The following ANO3 variants were observed in gnomAD, a reference collection of about 807,000 sequenced individuals.
The protein encoded by ANO3 is anoctamin-3.
Under a neutral mutation model 144.8 loss-of-function variants are expected in ANO3, and 99 were observed. The ratio of observed to expected loss-of-function variants is 0.68; its 90% CI spans 0.58 to 0.81. The LOEUF is 0.81. ANO3 is among the 30% of genes least tolerant of loss of function. ANO3 has a pLI of 0.00. For synonymous variants in ANO3, 414 were observed against 392.6 expected (o/e 1.05, Z -0.64); for missense variants, 905 against 1,202.2 (o/e 0.75, Z 3.66).
intron 1 of ANO3, among the ~76,000 whole-genome samples, chr11:26,257,678 C>G (rs1166659167): frequency 6.6e-6 from 1 of 152,026 alleles, no homozygotes; most frequent in Non-Finnish European, 1.5e-5. Context: ...CTGATTATAC[C>G]TGAAGAATTT....
chr11:26,417,511 A>G (rs1857625557), intron 1 of ANO3, among the ~76,000 whole-genome samples: 1 of 152,102 alleles, frequency 6.6e-6, no homozygotes, highest in East Asian at 1.9e-4. Flanking sequence ...CAAACAGGAT[A>G]AAGGGAAAGC....
chr11:26,332,426 TGGGG>T, intron 1 of ANO3, 105 bp downstream of exon 1: 3 of 1,015,646 alleles, frequency 3.0e-6, no homozygotes, highest in Non-Finnish European at 4.5e-6. Flanking sequence ...GACACAGAGG[TGGGG>T]AACTCTGTGA....
intron 24 of ANO3, 97 bp from the exon 25 acceptor site, chr11:26,656,028 G>T: frequency 2.1e-6 from 2 of 972,262 alleles, no homozygotes; most frequent in Non-Finnish European, 3.1e-6. Flanking sequence ...AGAATGGAAA[G>T]AATAATACAT....
chr11:26,352,204 A>C lies in ANO3; in HGVS notation c.46+19883A>C, dbSNP rs749429790. Among the ~76,000 whole-genome samples the C allele has an allele frequency of 4.6e-4, 70 of 152,176 alleles. 1 individual carries two copies. The highest frequency in any genetic ancestry group is 1.3e-4 in the Non-Finnish European group (9 of 68,042). Reference sequence around the variant, plus strand: ...AGTACTGACTAAAAAACAAGTCTTTACTACCCAAGAACTCATTTCTTCCTC... The same window carrying C: ...AGTACTGACTAAAAAACAAGTCTTTCCTACCCAAGAACTCATTTCTTCCTC... On this transcript the variant is annotated intron_variant, in intron 1 of 26. Transcript: ENST00000256737.
intron 1 of ANO3, among the ~76,000 whole-genome samples, chr11:26,237,091 G>C (rs1258668369): frequency 6.6e-6 from 1 of 152,024 alleles, no homozygotes; most frequent in South Asian, 2.1e-4. Context: ...CGGCAAAACT[G>C]TGTGTGAATT....
chr11:26,467,020 G>T (rs898431500), intron 4 of ANO3, among the ~76,000 whole-genome samples: 1 of 151,384 alleles, frequency 6.6e-6, no homozygotes, highest in Non-Finnish European at 1.5e-5. Flanking sequence ...TTCTAAAATT[G>T]TTTTTTTTAA....
rs189974576 is a variant in ANO3 at position 26,190,399 on chromosome 11, T to C, written c.154+1069T>C. On this transcript the variant is annotated intron_variant, in intron 1 of 27. Transcript: ENST00000672621. ...AAGACATTCTTTTATAAATTTTCAT[T>C]CAACTATAAGAAAAAAATCTCTATG... is the stretch of plus-strand genomic sequence containing the variant. Among the ~76,000 whole-genome samples, 225 of 152,246 alleles carry C rather than the reference T, an allele frequency of 1.5e-3. 1 individual carries two copies. The highest frequency in any genetic ancestry group is 4.5e-3 in the African/African-American group (188 of 41,552).
chr11:26,194,444 G>GTGTGTGTA (rs1554920712), intron 1 of ANO3, among the ~76,000 whole-genome samples: 3 of 92,308 alleles, frequency 3.2e-5, no homozygotes, highest in Non-Finnish European at 6.7e-5. Flanking sequence ...ATAGTGGTGT[G>GTGTGTGTA]TGTGTGTGTG....
chr11:26,267,953 C>G (rs760857271), intron 1 of ANO3, among the ~76,000 whole-genome samples: 32 of 151,868 alleles, frequency 2.1e-4, no homozygotes, highest in Non-Finnish European at 4.1e-4. Context: ...TTTTAAAATC[C>G]AAAGTAATCT....
chr11:26,419,058 T>C (rs917036097), intron 1 of ANO3, among the ~76,000 whole-genome samples: 1 of 152,132 alleles, frequency 6.6e-6, no homozygotes, highest in African/African-American at 2.4e-5. Context: ...ACAGAAAGCA[T>C]GATGCTGGCA....
chr11:26,635,494 A>G (rs563664514), intron 20 of ANO3, among the ~76,000 whole-genome samples: 2 of 152,290 alleles, frequency 1.3e-5, no homozygotes, highest in East Asian at 1.9e-4. Flanking sequence ...TTGATTTACA[A>G]TATGTATGTT....
chr11:26,590,502 C>T (rs1851413057), intron 14 of ANO3, among the ~76,000 whole-genome samples: 1 of 152,154 alleles, frequency 6.6e-6, no homozygotes, highest in Non-Finnish European at 1.5e-5. Context: ...GGGTGGGCTG[C>T]TCCCAAGATG....
chr11:26,309,530 C>A, upstream of ANO3: 1 of 347,328 alleles, frequency 2.9e-6, no homozygotes. Context: ...AGTAGTTATA[C>A]TGCAGCTATA....
At chr11:26,404,603 G>A (rs1157477315) in intron 1 of ANO3, among the ~76,000 whole-genome samples, 3 of 151,716 alleles carry the variant, frequency 2.0e-5, no homozygotes, top group African/African-American at 4.8e-5. Context: ...GTAATCACAG[G>A]AGCAGTTGCT....
chr11:26,484,944 C>T lies in ANO3; in HGVS notation c.432+21796C>T, dbSNP rs561519483. 1.7e-4 allele frequency among the ~76,000 whole-genome samples: 26 copies of T among 152,168 alleles called. 1 individual carries two copies. In the South Asian group the frequency reaches 5.4e-3, roughly 32 times the overall value. On this transcript the variant is annotated intron_variant, in intron 4 of 26. Coordinates refer to ENST00000256737, the MANE Select transcript of ANO3 (RefSeq NM_031418.4). ...TTTGGGCTTGTTTGGGGCCTGCAGCCCCTTTGTTTTGTCAAATTTCTCCCT... is the reference window on the plus strand; with the variant it reads ...TTTGGGCTTGTTTGGGGCCTGCAGCTCCTTTGTTTTGTCAAATTTCTCCCT...
chr11:26,468,135 A>C (rs530737280), intron 4 of ANO3, among the ~76,000 whole-genome samples: 21 of 152,010 alleles, frequency 1.4e-4, no homozygotes, highest in Admixed American at 1.4e-3. Context: ...AGATGTGGTC[A>C]ATTTACAGGG....
At chr11:26,558,098 T>A (rs574942290) in intron 13 of ANO3, among the ~76,000 whole-genome samples, 1 of 152,184 alleles carries the variant, frequency 6.6e-6, no homozygotes, top group Non-Finnish European at 1.5e-5. Flanking sequence ...ATGTTTAAAT[T>A]TATTGACTTA....
chr11:26,397,690 T>G (rs549553039), intron 1 of ANO3, among the ~76,000 whole-genome samples: 12 of 152,220 alleles, frequency 7.9e-5, no homozygotes, highest in African/African-American at 2.9e-4. Context: ...TATCATTTCT[T>G]TGTGTTGGGA....
At chr11:26,598,011 C>G (rs1851686922) in intron 14 of ANO3, among the ~76,000 whole-genome samples, 1 of 152,118 alleles carries the variant, frequency 6.6e-6, no homozygotes, top group Non-Finnish European at 1.5e-5. Flanking sequence ...TATTGTGATT[C>G]TTGGAGAAGG....
Sources: gnomAD v4.1 joint callset for allele counts (sites outside exome capture counted in the v4.1 genomes callset) on GRCh38, gnomAD v4.1.1 for gene constraint, MANE v1.5 for transcripts, NCBI Gene and HGNC (gene_info 2026-07-23, HGNC 2026-07-21) for gene names.